Variants in ZBTB38 observed in about 807,000 individuals in gnomAD.
The protein encoded by ZBTB38 is zinc finger and BTB domain containing 38.
Under a neutral mutation model 76.8 loss-of-function variants are expected in ZBTB38, and 20 were observed. The ratio of observed to expected loss-of-function variants is 0.26; its 90% confidence interval spans 0.18 to 0.38. The LOEUF (loss-of-function observed/expected upper bound fraction) is 0.38. ZBTB38 is among the 10% of genes least tolerant of loss of function. The pLI, the probability that ZBTB38 is intolerant of heterozygous loss-of-function variation, is 1.00. For missense variants in ZBTB38, 1,082 were observed against 1,482.3 expected, an observed-to-expected ratio of 0.73 and a Z score of 4.43; for synonymous variants, 504 against 544.2, an observed-to-expected ratio of 0.93 and a Z score of 1.03.
intron 5 of ZBTB38, among the ~76,000 whole-genome samples, chr3:141,441,682 A>C (rs1009076473): frequency 3.3e-5 from 5 of 152,174 alleles, no homozygotes; most frequent in Admixed American, 3.3e-4. Context: ...ATAGCTTTGC[A>C]TATAGGTACC....
chr3:141,342,239 C>A (rs905408002), intron 1 of ZBTB38, among the ~76,000 whole-genome samples: 2 of 151,944 alleles, frequency 1.3e-5, no homozygotes, highest in Non-Finnish European at 2.9e-5. Context: ...GCAGGAGAAT[C>A]GCTTGAACCC....
chr3:141,330,689 A>C (rs1942821267), intron 1 of ZBTB38, among the ~76,000 whole-genome samples: 1 of 152,236 alleles, frequency 6.6e-6, no homozygotes, highest in Admixed American at 6.5e-5. Flanking sequence ...ATGGGGCAGT[A>C]TTGAGAGGTG....
chr3:141,334,264 A>G (rs902660283), intron 1 of ZBTB38, among the ~76,000 whole-genome samples: 2 of 150,910 alleles, frequency 1.3e-5, no homozygotes, highest in African/African-American at 2.4e-5. Context: ...GGCCCATGGT[A>G]ACCTAGAACC....
At chr3:141,426,115 C>G (rs1559952611) in intron 5 of ZBTB38, 1 of 1,288,066 alleles carries the variant, frequency 7.8e-7, no homozygotes. Context: ...CACTTTAAAG[C>G]AGTTCTCAGA....
chr3:141,433,680 A>G (rs2150605619), intron 5 of ZBTB38, among the ~76,000 whole-genome samples: 1 of 152,338 alleles, frequency 6.6e-6, no homozygotes, highest in East Asian at 1.9e-4. Context: ...CATGTTTGCA[A>G]ATATTTTAAA....
chr3:141,373,856 G>A (rs1007853886), intron 2 of ZBTB38, among the ~76,000 whole-genome samples: 2 of 152,218 alleles, frequency 1.3e-5, no homozygotes. Context: ...AAGGCCGGGA[G>A]TGGTGGCTCA....
intron 5 of ZBTB38, among the ~76,000 whole-genome samples, chr3:141,409,371 G>A (rs1955849751): frequency 6.6e-6 from 1 of 152,030 alleles, no homozygotes; most frequent in Non-Finnish European, 1.5e-5. Flanking sequence ...ACACCCTGGG[G>A]TCTGTCTGAC....
At chr3:141,394,728 A>C (rs1386087208) in intron 4 of ZBTB38, among the ~76,000 whole-genome samples, 2 of 152,178 alleles carry the variant, frequency 1.3e-5, no homozygotes, top group Non-Finnish European at 2.9e-5. Flanking sequence ...CTTGGTCTCC[A>C]GGAGAACCAC....
At chr3:141,341,804 G>C (rs1943204976) in intron 1 of ZBTB38, among the ~76,000 whole-genome samples, 2 of 152,188 alleles carry the variant, frequency 1.3e-5, no homozygotes, top group African/African-American at 4.8e-5. Flanking sequence ...GAACACACCA[G>C]CTGTGAAGAC....
intron 5 of ZBTB38, among the ~76,000 whole-genome samples, chr3:141,409,395 C>G (rs1234265848): frequency 6.6e-6 from 1 of 152,128 alleles, no homozygotes; most frequent in Non-Finnish European, 1.5e-5. Context: ...CAAGGCCAGC[C>G]TCTTCTCTCC....
At chr3:141,437,878 C>T (rs1210240381) in intron 5 of ZBTB38, among the ~76,000 whole-genome samples, 1 of 152,080 alleles carries the variant, frequency 6.6e-6, no homozygotes, top group Admixed American at 6.6e-5. Flanking sequence ...GAGGGATGAA[C>T]GCTTGCCTTT....
intron 1 of ZBTB38, among the ~76,000 whole-genome samples, chr3:141,324,662 C>T (rs560457025): frequency 1.3e-5 from 2 of 151,800 alleles, no homozygotes; most frequent in East Asian, 1.9e-4. Context: ...TGTTGATGCT[C>T]AATAAATCAT....
chr3:141,418,309 AT>A (rs2074545357), intron 5 of ZBTB38, among the ~76,000 whole-genome samples: 1 of 152,162 alleles, frequency 6.6e-6, no homozygotes, highest in Non-Finnish European at 1.5e-5. Context: ...CAAGTGTGTC[AT>A]TCTATTTCAT....
At chr3:141,401,073 A>T (rs980769985) in intron 4 of ZBTB38, among the ~76,000 whole-genome samples, 10 of 152,244 alleles carry the variant, frequency 6.6e-5, no homozygotes, top group African/African-American at 2.2e-4. Flanking sequence ...GGAAACATAC[A>T]AACATGCAAT....
chr3:141,421,622 T>A (rs891787987), intron 5 of ZBTB38, among the ~76,000 whole-genome samples: 2 of 152,186 alleles, frequency 1.3e-5, no homozygotes, highest in Admixed American at 1.3e-4. Context: ...TGAGGGCCCC[T>A]CAGTTGCTCC....
At chr3:141,343,801 AC>A (rs1422509430) in intron 1 of ZBTB38, among the ~76,000 whole-genome samples, 1 of 152,208 alleles carries the variant, frequency 6.6e-6, no homozygotes, top group East Asian at 1.9e-4. Context: ...TCATCTTGAG[AC>A]AGTTCCATGG....
chr3:141,396,204 C>T (rs1950322837), intron 4 of ZBTB38: 1 of 152,226 alleles, frequency 6.6e-6, no homozygotes, highest in Admixed American at 6.5e-5. Flanking sequence ...TTTGTCCTTG[C>T]TTCATCAACT....
In ZBTB38 at chr3:141,414,976, G is replaced by A. The variant is rs148952104; in HGVS notation, c.-1+10945G>A. On this transcript the variant is annotated intron_variant, in intron 5 of 5. Transcript: ENST00000321464. ...ACCCTGCCCTTTCTTTCTCGGTGCT[G>A]AGTCATAATGTCTTTGACGCACATA... 5.1e-3 allele frequency among the ~76,000 whole-genome samples: 776 copies of A among 152,068 alleles called. 9 individuals carry two copies. Among genetic ancestry groups the A allele is most frequent in the African/African-American group, 0.018 (748 of 41,468 alleles).
Position 141,445,100 on chromosome 3 carries a change from T to C in ZBTB38, c.2712T>C (p.Asp904=). Residue 904 remains aspartate, a synonymous_variant, in exon 6 of 6, where the codon GAT becomes GAC. Transcript: ENST00000321464. The surrounding 1 kb of genome is among the most constrained non-coding windows in gnomAD (Gnocchi z 6.5). ...GCATGGAGATGAGTGAAGTGTTCGA[T>C]GACGCAAGTGACCAGGATTCCACTG... ...SECMEMSEVF[D]DASDQDSTDK... 6.2e-7 allele frequency: 1 copy of C among 1,614,128 alleles called. No individual in the cohort carries two copies. Among genetic ancestry groups the C allele is most frequent in the Non-Finnish European group, 8.5e-7 (1 of 1,180,036 alleles).
Sources: gnomAD v4.1 joint callset for allele counts (sites outside exome capture counted in the v4.1 genomes callset) on GRCh38, gnomAD v4.1.1 for gene constraint, Gnocchi (gnomAD v3.1) non-coding constraint, MANE v1.5 for transcripts, NCBI Gene and HGNC (gene_info 2026-07-23, HGNC 2026-07-21) for gene names.